Variants in ARSB observed in about 807,000 individuals in gnomAD.
The protein encoded by ARSB is N-acetylgalactosamine-4-sulfatase.
A neutral mutation model predicts 50.9 loss-of-function variants in ARSB; 41 were observed. That is an observed-to-expected ratio of 0.81 (90% CI 0.63 to 1.04). The LOEUF (loss-of-function observed/expected upper bound fraction) is 1.04. Ranked by LOEUF, ARSB falls within the 50% of genes least tolerant of loss-of-function variation. The pLI is 0.00. For synonymous variants in ARSB, 269 were observed against 284.8 expected, an observed-to-expected ratio of 0.94 and a Z score of 0.56; for missense variants, 672 against 693.3, an observed-to-expected ratio of 0.97 and a Z score of 0.35.
intron 6 of ARSB, among the ~76,000 whole-genome samples, chr5:78,826,594 T>C (rs1744442589): frequency 2.0e-5 from 3 of 152,160 alleles, no homozygotes; most frequent in African/African-American, 7.2e-5. Context: ...CTGTCAACAA[T>C]GGTTAGTTTC....
At chr5:78,976,093 G>C (rs653413) in intron 1 of ARSB, among the ~76,000 whole-genome samples, 1 of 151,650 alleles carries the variant, frequency 6.6e-6, no homozygotes, top group African/African-American at 2.4e-5. Flanking sequence ...ATATAAAATC[G>C]ATTTTCTCAT....
intron 6 of ARSB, among the ~76,000 whole-genome samples, chr5:78,798,896 G>T (rs1743274827): frequency 6.6e-6 from 1 of 152,150 alleles, no homozygotes; most frequent in African/African-American, 2.4e-5. Flanking sequence ...CCCAAACCCA[G>T]GCATGTTACA....
At chr5:78,856,854 A>G (rs980905378) in intron 5 of ARSB, among the ~76,000 whole-genome samples, 3 of 152,178 alleles carry the variant, frequency 2.0e-5, no homozygotes, top group South Asian at 4.1e-4. Context: ...CTCCTGACCA[A>G]TTTCTGAAGA....
chr5:78,888,735 C>A (rs201569585), intron 4 of ARSB, among the ~76,000 whole-genome samples: 1 of 129,408 alleles, frequency 7.7e-6, no homozygotes, highest in African/African-American at 2.7e-5. Context: ...TAGGAAAATT[C>A]TCCGGGTTGT....
At chr5:78,851,234 T>C (rs1457226012) in intron 5 of ARSB, among the ~76,000 whole-genome samples, 17 of 152,254 alleles carry the variant, frequency 1.1e-4, no homozygotes, top group Non-Finnish European at 1.9e-4. Context: ...GCTTTGAATG[T>C]GTCCCAGAGA....
chr5:78,939,386 T>A (rs1750788313), intron 4 of ARSB, among the ~76,000 whole-genome samples: 1 of 151,926 alleles, frequency 6.6e-6, no homozygotes, highest in Admixed American at 6.6e-5. Flanking sequence ...ACCCATTAAC[T>A]CATCATTTAG....
chr5:78,866,840 C>A (rs1490360927), intron 5 of ARSB, among the ~76,000 whole-genome samples: 1 of 152,316 alleles, frequency 6.6e-6, no homozygotes, highest in South Asian at 2.1e-4. Context: ...AGGGACAGTT[C>A]CGGTCTACGG....
chr5:78,904,895 G>GGGTTTCATCAA (rs1196436642), intron 4 of ARSB, among the ~76,000 whole-genome samples: 1 of 151,814 alleles, frequency 6.6e-6, no homozygotes, highest in Non-Finnish European at 1.5e-5. Context: ...TCATCATGTT[G>GGGTTTCATCAA]GCCAGGCTGG....
intron 4 of ARSB, among the ~76,000 whole-genome samples, chr5:78,918,611 TG>T (rs1291056705): frequency 1.3e-5 from 2 of 152,138 alleles, no homozygotes; most frequent in Non-Finnish European, 2.9e-5. Flanking sequence ...CAACCCAACA[TG>T]GTATTTCTGA....
chr5:78,899,202 C>T (rs76499731), intron 4 of ARSB, among the ~76,000 whole-genome samples: 4,622 of 152,194 alleles, frequency 0.03, 221 homozygotes, highest in African/African-American at 0.1. Context: ...AGCTACTTTA[C>T]GTGTTATTTG....
intron 4 of ARSB, among the ~76,000 whole-genome samples, chr5:78,916,225 C>G (rs1000837176): frequency 3.3e-5 from 5 of 152,170 alleles, no homozygotes; most frequent in Non-Finnish European, 7.3e-5. Context: ...ATGACAGCTT[C>G]CCATGCAAGT....
chr5:78,827,048 G>C (rs1016924772), intron 6 of ARSB, among the ~76,000 whole-genome samples: 1 of 152,110 alleles, frequency 6.6e-6, no homozygotes, highest in Non-Finnish European at 1.5e-5. Context: ...AGTCCAGATA[G>C]TGACAAGAGA....
intron 4 of ARSB, among the ~76,000 whole-genome samples, chr5:78,890,815 A>C (rs1748258031): frequency 6.6e-6 from 1 of 152,180 alleles, no homozygotes; most frequent in South Asian, 2.1e-4. Context: ...AGAATATGTC[A>C]TGCCCTTTCA....
At chr5:78,859,867 T>C (rs983359158) in intron 5 of ARSB, among the ~76,000 whole-genome samples, 2 of 152,068 alleles carry the variant, frequency 1.3e-5, no homozygotes, top group African/African-American at 4.8e-5. Context: ...GCATGAGATG[T>C]AGCTTCCTGG....
intron 5 of ARSB, among the ~76,000 whole-genome samples, chr5:78,847,358 T>A (rs556356783): frequency 7.9e-5 from 12 of 152,162 alleles, no homozygotes; most frequent in African/African-American, 2.6e-4. Context: ...AACTCCTAGG[T>A]TCAAGTGATC....
At chr5:78,924,535 C>G (rs930663127) in intron 4 of ARSB, among the ~76,000 whole-genome samples, 1 of 152,220 alleles carries the variant, frequency 6.6e-6, no homozygotes, top group Non-Finnish European at 1.5e-5. Context: ...CACCTTCTCC[C>G]TGTTCCCAAC....
intron 6 of ARSB, among the ~76,000 whole-genome samples, chr5:78,792,343 T>G (rs1418532434): frequency 6.7e-6 from 1 of 149,828 alleles, no homozygotes; most frequent in Non-Finnish European, 1.5e-5. Context: ...CGCATCACTG[T>G]ACTCCAGCCT....
intron 6 of ARSB, among the ~76,000 whole-genome samples, chr5:78,822,354 T>A (rs1223005898): frequency 6.6e-6 from 1 of 152,148 alleles, no homozygotes; most frequent in Non-Finnish European, 1.5e-5. Flanking sequence ...GTACACAGAT[T>A]TATACCACAT....
chr5:78,861,212 A>C (rs1322108630), intron 5 of ARSB, among the ~76,000 whole-genome samples: 3 of 152,236 alleles, frequency 2.0e-5, no homozygotes, highest in African/African-American at 7.2e-5. Flanking sequence ...ATTGCTTCTG[A>C]AACTATTCCA....
Sources: allele counts gnomAD v4.1 joint callset (sites outside exome capture counted in the v4.1 genomes callset), GRCh38; gene constraint gnomAD v4.1.1; transcripts MANE v1.5; gene names NCBI Gene and HGNC (gene_info 2026-07-23, HGNC 2026-07-21).